Variants in MALRD1 observed in about 807,000 individuals in gnomAD.
MALRD1 encodes MAM and LDL-receptor class A domain-containing protein 1.
A neutral mutation model predicts 242.1 loss-of-function variants in MALRD1; 247 were observed. The ratio of observed to expected loss-of-function variants is 1.02; its 90% CI spans 0.92 to 1.13. The LOEUF is 1.13. MALRD1 is among the 50% of genes most tolerant of loss of function. The pLI is 0.00. For missense variants in MALRD1, 2,989 were observed against 2,533.1 expected, an observed-to-expected ratio of 1.18 and a Z score of -3.86; for synonymous variants, 995 against 866.6, an observed-to-expected ratio of 1.15 and a Z score of -2.60.
At chr10:19,531,638 T>G (rs1433360746) in intron 32 of MALRD1, among the ~76,000 whole-genome samples, 2 of 152,178 alleles carry the variant, frequency 1.3e-5, no homozygotes, top group African/African-American at 2.4e-5. Flanking sequence ...TCGACATGTA[T>G]CTTCTATTAG....
intron 19 of MALRD1, among the ~76,000 whole-genome samples, chr10:19,275,682 AAAAAT>A (rs1840483279): frequency 4.6e-5 from 7 of 152,222 alleles, no homozygotes; most frequent in African/African-American, 1.7e-4. Flanking sequence ...AAATAAAAAT[AAAAAT>A]AAAATAATAA....
chr10:19,703,625 T>G (rs1833718234), intron 38 of MALRD1, among the ~76,000 whole-genome samples: 1 of 152,254 alleles, frequency 6.6e-6, no homozygotes, highest in Non-Finnish European at 1.5e-5. Context: ...TCTGGTGCAG[T>G]GGCTCACATT....
chr10:19,601,323 T>C (rs1049128405), intron 34 of MALRD1, among the ~76,000 whole-genome samples: 3 of 152,096 alleles, frequency 2.0e-5, no homozygotes, highest in Admixed American at 2.0e-4. Context: ...TTGGAATTAT[T>C]CTATGTTGTA....
Position 19,321,396 on chromosome 10 carries a change from T to A in MALRD1, c.3420-2553T>A, listed in dbSNP as rs537066972. On this transcript the variant is annotated intron_variant, in intron 21 of 39. Transcript: ENST00000454679. ...CAGGAAGGATGATGGGAATCATCTCTTCCCAACTCCCATTCCTACTGGGAG... is the reference window on the plus strand; with the variant it reads ...CAGGAAGGATGATGGGAATCATCTCATCCCAACTCCCATTCCTACTGGGAG... Among the ~76,000 whole-genome samples, 4 of 152,270 alleles carry A rather than the reference T, an allele frequency of 2.6e-5. No homozygotes were observed. The South Asian group carries it at 8.3e-4, about 32-fold the overall frequency.
At chr10:19,080,169 G>C (rs186178027) in intron 2 of MALRD1, among the ~76,000 whole-genome samples, 20 of 151,978 alleles carry the variant, frequency 1.3e-4, no homozygotes, top group Admixed American at 1.3e-3. Context: ...GGAGGATGCA[G>C]TATTGTAAAA....
chr10:19,375,300 A>G (rs528717249), intron 26 of MALRD1, among the ~76,000 whole-genome samples: 1 of 152,330 alleles, frequency 6.6e-6, no homozygotes, highest in East Asian at 1.9e-4. Context: ...GAAATTCACT[A>G]ATTGCAACAA....
chr10:19,195,693 T>C (rs1836205394), intron 14 of MALRD1, among the ~76,000 whole-genome samples: 1 of 152,142 alleles, frequency 6.6e-6, no homozygotes, highest in African/African-American at 2.4e-5. Flanking sequence ...CTCCACCCTT[T>C]TCCTTATACT....
At chr10:19,492,936 C>T (rs1232975428) in intron 30 of MALRD1, among the ~76,000 whole-genome samples, 1 of 152,028 alleles carries the variant, frequency 6.6e-6, no homozygotes, top group Non-Finnish European at 1.5e-5. Context: ...CTGATGCTTC[C>T]AATGGGCTCA....
chr10:19,187,867 G>A (rs1835806977), intron 14 of MALRD1, among the ~76,000 whole-genome samples: 1 of 152,086 alleles, frequency 6.6e-6, no homozygotes, highest in Non-Finnish European at 1.5e-5. Flanking sequence ...CTCACTACCT[G>A]GGTTATGGGA....
intron 4 of MALRD1, among the ~76,000 whole-genome samples, chr10:19,101,221 C>G (rs1383503427): frequency 6.8e-6 from 1 of 148,010 alleles, no homozygotes; most frequent in African/African-American, 2.5e-5. Context: ...TACCAAGGAA[C>G]TGAATCCAAA....
intron 38 of MALRD1, among the ~76,000 whole-genome samples, chr10:19,718,386 A>C (rs1052215887): frequency 3.3e-5 from 5 of 152,204 alleles, no homozygotes; most frequent in Non-Finnish European, 7.3e-5. Flanking sequence ...TAATGGCAGA[A>C]GGCAAAGCAG....
intron 2 of MALRD1, among the ~76,000 whole-genome samples, chr10:19,086,701 A>T (rs1215953370): frequency 6.6e-6 from 1 of 152,124 alleles, no homozygotes; most frequent in African/African-American, 2.4e-5. Flanking sequence ...AAACATGAAA[A>T]GTGGCTCATC....
intron 21 of MALRD1, among the ~76,000 whole-genome samples, chr10:19,316,447 A>C (rs1425067648): frequency 2.0e-5 from 3 of 151,936 alleles, no homozygotes; most frequent in Non-Finnish European, 4.4e-5. Context: ...TCAGCCAGTA[A>C]GAAGACTGGG....
chr10:19,617,217 T>C (rs1168217950), intron 36 of MALRD1, among the ~76,000 whole-genome samples: 1 of 151,874 alleles, frequency 6.6e-6, no homozygotes, highest in African/African-American at 2.4e-5. Context: ...TAAATAAACT[T>C]GAAAAATTAA....
chr10:19,717,457 G>A (rs910974503), intron 38 of MALRD1, among the ~76,000 whole-genome samples: 2 of 152,168 alleles, frequency 1.3e-5, no homozygotes, highest in Non-Finnish European at 2.9e-5. Flanking sequence ...AAGAACTAGT[G>A]CTAAGATACC....
intron 21 of MALRD1, chr10:19,291,429 C>T (rs1841417492): frequency 1.3e-5 from 2 of 152,094 alleles, no homozygotes; most frequent in African/African-American, 4.8e-5. Flanking sequence ...AACCTGTAAT[C>T]CCATTGAGAG....
chr10:19,545,215 A>T (rs1835158724), intron 32 of MALRD1, among the ~76,000 whole-genome samples: 2 of 152,022 alleles, frequency 1.3e-5, no homozygotes, highest in South Asian at 2.1e-4. Flanking sequence ...CATCATTCAC[A>T]TTGGATTAGA....
chr10:19,536,772 A>C lies in MALRD1; in HGVS notation c.5478+5421A>C, dbSNP rs370775687. ...CATTACATTAACTTATTTCTGAATA[A>C]GGTTCTAGTAGTGATAACAGAAAAC... On this transcript the variant is annotated intron_variant, in intron 32 of 39. Transcript: ENST00000454679. Among the ~76,000 whole-genome samples, 9 of 152,194 alleles carry C rather than the reference A, an allele frequency of 5.9e-5. No homozygotes were observed. The East Asian group carries it at 1.3e-3, about 23-fold the overall frequency.
At chr10:19,431,106 C>T (rs973137405) in intron 28 of MALRD1, among the ~76,000 whole-genome samples, 3 of 152,074 alleles carry the variant, frequency 2.0e-5, no homozygotes, top group African/African-American at 4.8e-5. Flanking sequence ...CAACCCATCA[C>T]GTATGTATTA....
Sources: allele counts gnomAD v4.1 joint callset (sites outside exome capture counted in the v4.1 genomes callset), GRCh38; gene constraint gnomAD v4.1.1; transcripts MANE v1.5; gene names NCBI Gene and HGNC (gene_info 2026-07-23, HGNC 2026-07-21).